The following VMA12 variants were observed in gnomAD, a reference collection of about 807,000 sequenced individuals.
VMA12 encodes the protein vacuolar ATPase assembly protein VMA12.
chr17:28,360,460 A>T, the VMA12 span: 8 of 917,344 alleles, frequency 8.7e-6, no homozygotes, highest in African/African-American at 3.6e-4. Flanking sequence ...GAGAGGGCTG[A>T]GCCAGACTGT....
the VMA12 span, chr17:28,359,597 G>A: frequency 4.1e-6 from 2 of 486,240 alleles, no homozygotes; most frequent in African/African-American, 3.9e-5. Flanking sequence ...TGGTGACCAA[G>A]TTTTAAACGT....
the VMA12 span, chr17:28,358,836 G>A: frequency 9.0e-7 from 1 of 1,112,928 alleles, no homozygotes; most frequent in African/African-American, 1.6e-5. Flanking sequence ...TTGGTAGAAA[G>A]AAGGGCTACA....
the VMA12 span, chr17:28,360,915 T>A: frequency 1.5e-6 from 2 of 1,348,814 alleles, no homozygotes; most frequent in Non-Finnish European, 2.1e-6. Context: ...AGGACGTATG[T>A]GAAAGTGCCT....
At chr17:28,357,776 G>T in the VMA12 span, 1 of 1,613,786 alleles carries the variant, frequency 6.2e-7, no homozygotes, top group Non-Finnish European at 8.5e-7. Context: ...CGAGCTTGAG[G>T]CCGCGCTGGG....
chr17:28,360,442 G>A, the VMA12 span: 1 of 1,135,812 alleles, frequency 8.8e-7, no homozygotes, highest in East Asian at 2.5e-5. Context: ...TTAATATGTT[G>A]GGGAATAGAG....
At chr17:28,357,793 G>A in the VMA12 span, 1 of 1,614,010 alleles carries the variant, frequency 6.2e-7, no homozygotes, top group East Asian at 2.2e-5. Context: ...TGGGGAAGAA[G>A]CACAAGGGCG....
chr17:28,357,676 G>T, the VMA12 span: 1 of 1,612,340 alleles, frequency 6.2e-7, no homozygotes, highest in East Asian at 2.2e-5. Context: ...TAGATATGGC[G>T]TCCTCTTTGC....
the VMA12 span, chr17:28,360,860 T>TGGGCA: frequency 1.2e-6 from 2 of 1,609,514 alleles, no homozygotes; most frequent in Non-Finnish European, 1.7e-6. Flanking sequence ...GAGTAGGCAC[T>TGGGCA]GGGCAGGGCA....
chr17:28,361,135 G>A, the VMA12 span: 1 of 1,613,060 alleles, frequency 6.2e-7, no homozygotes. Context: ...CATCCCTTAA[G>A]CCTGGTTCTC....
At chr17:28,361,478 G>A in the VMA12 span, 1 of 529,488 alleles carries the variant, frequency 1.9e-6, no homozygotes, top group Admixed American at 3.3e-5. Flanking sequence ...GAAAGAACTG[G>A]TCTTGGTCTA....
the VMA12 span, chr17:28,360,892 T>A: frequency 9.2e-6 from 14 of 1,529,640 alleles, no homozygotes; most frequent in Non-Finnish European, 1.3e-5. Flanking sequence ...GTGGGGGTGT[T>A]AGTGGGTAAG....
the VMA12 span, chr17:28,360,660 T>TGG: frequency 6.2e-7 from 1 of 1,605,640 alleles, no homozygotes; most frequent in Non-Finnish European, 8.5e-7. Flanking sequence ...ACCCAGTTGG[T>TGG]GGGGGAGCCA....
chr17:28,357,663 G>A, the VMA12 span: 5 of 1,611,322 alleles, frequency 3.1e-6, no homozygotes, highest in Admixed American at 8.3e-5. Context: ...CCGGAGAGCC[G>A]GCTAGATATG....
chr17:28,360,499 T>C, the VMA12 span: 1 of 1,612,560 alleles, frequency 6.2e-7, no homozygotes, highest in Non-Finnish European at 8.5e-7. Flanking sequence ...CTGCTTCTAT[T>C]CTGAATCATC....
the VMA12 span, chr17:28,359,525 A>T: frequency 1.2e-6 from 1 of 845,102 alleles, no homozygotes; most frequent in Non-Finnish European, 1.8e-6. Context: ...TTCAGGGACC[A>T]TAGGAAGTCT....
the VMA12 span, chr17:28,358,250 C>A: frequency 1.8e-5 from 7 of 395,670 alleles, no homozygotes; most frequent in South Asian, 1.4e-4. Context: ...GATTTCTTTC[C>A]ACCTCAAAAG....
chr17:28,360,463 C>CG, the VMA12 span: 1 of 1,512,514 alleles, frequency 6.6e-7, no homozygotes, highest in African/African-American at 1.4e-5. Context: ...AGGGCTGAGC[C>CG]AGACTGTCAA....
At chr17:28,361,572 G>A in the VMA12 span, 7 of 289,566 alleles carry the variant, frequency 2.4e-5, 1 homozygote, top group South Asian at 8.7e-5. Flanking sequence ...TTTCCATCAG[G>A]AGCAAATGGA....
chr17:28,361,068 T>TG, the VMA12 span: 37 of 1,297,224 alleles, frequency 2.9e-5, no homozygotes, highest in South Asian at 3.9e-4. Context: ...AGAGGGTGGT[T>TG]GGGGGGCTCT....
Sources: allele counts gnomAD v4.1 joint callset, GRCh38; gene constraint gnomAD v4.1.1; transcripts MANE v1.5; gene names NCBI Gene and HGNC (gene_info 2026-07-23, HGNC 2026-07-21).